Variants in RBFOX1 observed in about 807,000 individuals in gnomAD.
The protein encoded by RBFOX1 is RNA binding protein fox-1 homolog 1.
RBFOX1 carries 8 observed loss-of-function variants against 57.7 expected under a neutral mutation model. The ratio of observed to expected loss-of-function variants is 0.14; its 90% CI spans 0.08 to 0.25. The LOEUF is 0.25. RBFOX1 is among the 10% of genes least tolerant of loss of function. The pLI is 1.00. For synonymous variants in RBFOX1, 326 were observed against 222.4 expected (o/e 1.47, Z -4.15); for missense variants, 611 against 548.5 (o/e 1.11, Z -1.14).
At chr16:5,661,816 C>T (rs755531658) in intron 3 of RBFOX1, among the ~76,000 whole-genome samples, 2 of 152,044 alleles carry the variant, frequency 1.3e-5, no homozygotes, top group Non-Finnish European at 2.9e-5. Flanking sequence ...GATGGAGTCT[C>T]ACTCTGTTGC....
chr16:6,160,969 ATC>A (rs2096874081), intron 1 of RBFOX1, among the ~76,000 whole-genome samples: 1 of 152,178 alleles, frequency 6.6e-6, no homozygotes, highest in African/African-American at 2.4e-5. Context: ...TTTGTGTTCT[ATC>A]TCTCCTTCTT....
Position 6,019,317 on chromosome 16 carries a change from G to A in RBFOX1, c.-802G>A. The A allele has an allele frequency of 2.0e-6, 2 of 985,080 alleles. No individual in the cohort carries two copies. The highest frequency in any genetic ancestry group is 2.4e-6 in the Non-Finnish European group (2 of 830,158). 61.0% of individuals were successfully genotyped at this position (985,080 alleles called of 1,614,324 possible). A position where few individuals can be genotyped will look rare whatever the true frequency, so the allele number is the denominator to read the frequency against. On this transcript the variant is annotated 5_prime_UTR_variant, in exon 1 of 16. In the 5' UTR this introduces an upstream ATG that the reference lacks. Coordinates refer to ENST00000550418, the MANE Select transcript of RBFOX1 (RefSeq NM_018723.4). The surrounding 1 kb of genome is among the most constrained non-coding windows in gnomAD (Gnocchi z 4.2). ...GAAGGTCACCTCCTTTCCAGTCCCCGTGCGAGCCGCGCTGCCGCCGCCTCC... is the reference window on the plus strand; with the variant it reads ...GAAGGTCACCTCCTTTCCAGTCCCCATGCGAGCCGCGCTGCCGCCGCCTCC...
At chr16:5,719,638 T>C (rs2051853568) in intron 3 of RBFOX1, among the ~76,000 whole-genome samples, 1 of 152,180 alleles carries the variant, frequency 6.6e-6, no homozygotes. Context: ...ATTCTAGATA[T>C]TTCATATAGA....
intron 4 of RBFOX1, among the ~76,000 whole-genome samples, chr16:7,206,740 G>A (rs1244188724): frequency 6.6e-6 from 1 of 152,214 alleles, no homozygotes. Flanking sequence ...CATTTACTGT[G>A]AGATTTCTCA....
At position 6,264,796 on chromosome 16, in the gene RBFOX1, C is replaced by T. The variant is rs79555058; in HGVS notation, c.-126-52199C>T. Among the ~76,000 whole-genome samples the T allele has an allele frequency of 9.2e-3, 1,399 of 151,878 alleles. 22 individuals carry two copies. Among genetic ancestry groups the T allele is most frequent in the African/African-American group, 0.032 (1,321 of 41,532 alleles). ...CTTAGCATGCCACTGAAACTTCTAA[C>T]TATCTGATTAGTTTTTTTGTTTTAT... On this transcript the variant is annotated intron_variant, in intron 1 of 15. Transcript: ENST00000550418.
intron 4 of RBFOX1, among the ~76,000 whole-genome samples, chr16:7,384,616 C>A (rs143044271): frequency 5.3e-5 from 8 of 152,120 alleles, no homozygotes; most frequent in Non-Finnish European, 1.0e-4. Context: ...ATGGAGTGAA[C>A]AGCTTTGCAG....
chr16:6,589,217 C>A (rs1019831853), intron 2 of RBFOX1, among the ~76,000 whole-genome samples: 1 of 152,214 alleles, frequency 6.6e-6, no homozygotes, highest in Non-Finnish European at 1.5e-5. Flanking sequence ...AATAACAGAA[C>A]TCTAACCAGC....
chr16:6,880,524 T>C (rs940455084), intron 3 of RBFOX1, among the ~76,000 whole-genome samples: 11 of 152,184 alleles, frequency 7.2e-5, no homozygotes, highest in African/African-American at 2.2e-4. Context: ...TCCTGGAACC[T>C]TGCTAGTCAG....
At chr16:5,360,005 T>C (rs2065499371) in intron 1 of RBFOX1, among the ~76,000 whole-genome samples, 1 of 152,214 alleles carries the variant, frequency 6.6e-6, no homozygotes, top group Admixed American at 6.5e-5. Context: ...TAAATTTACA[T>C]TGAAGGTTAG....
chr16:5,448,003 T>A (rs947196234), intron 1 of RBFOX1, among the ~76,000 whole-genome samples: 11 of 152,186 alleles, frequency 7.2e-5, no homozygotes, highest in African/African-American at 2.7e-4. Flanking sequence ...TCACTTCCTG[T>A]TTAATTAATT....
chr16:5,475,136 G>C (rs2069276018), intron 2 of RBFOX1, among the ~76,000 whole-genome samples: 2 of 152,212 alleles, frequency 1.3e-5, no homozygotes, highest in South Asian at 4.1e-4. Flanking sequence ...TCTTTTAATA[G>C]AGGAATTTAG....
intron 1 of RBFOX1, among the ~76,000 whole-genome samples, chr16:6,072,205 A>C (rs929737249): frequency 2.6e-5 from 4 of 152,132 alleles, no homozygotes; most frequent in Admixed American, 2.0e-4. Flanking sequence ...ATTCACTATC[A>C]GAGAACAGCA....
chr16:6,843,823 C>A (rs560539594), intron 3 of RBFOX1, among the ~76,000 whole-genome samples: 1 of 152,268 alleles, frequency 6.6e-6, no homozygotes, highest in Admixed American at 6.5e-5. Context: ...CAAGATTTGA[C>A]CCTTAGGTTG....
At chr16:6,571,331 G>A (rs183376070) in intron 2 of RBFOX1, among the ~76,000 whole-genome samples, 12 of 152,156 alleles carry the variant, frequency 7.9e-5, no homozygotes, top group Admixed American at 2.0e-4. Context: ...AGGGGGTGAC[G>A]GTGGGCATCC....
At position 5,872,518 on chromosome 16, in the gene RBFOX1, C is replaced by A. The variant is rs140435550; in HGVS notation, c.351+5183C>A. On this transcript the variant is annotated intron_variant, in intron 4 of 19. Transcript: ENST00000641259. ...GGCCAAGGCAGGAAGATCACTTGAGCCCAGGAGTTCGAGACCAGCCTGGGC... is the reference window on the plus strand; with the variant it reads ...GGCCAAGGCAGGAAGATCACTTGAGACCAGGAGTTCGAGACCAGCCTGGGC... 4.3e-3 allele frequency among the ~76,000 whole-genome samples: 652 copies of A among 152,154 alleles called. 4 individuals carry two copies. Among genetic ancestry groups the A allele is most frequent in the African/African-American group, 0.015 (623 of 41,522 alleles).
intron 4 of RBFOX1, among the ~76,000 whole-genome samples, chr16:5,926,679 C>G (rs72770926): frequency 0.097 from 14,714 of 152,234 alleles, 854 homozygotes; most frequent in Non-Finnish European, 0.13. Flanking sequence ...GGATTCTTAG[C>G]TGAAGACTTG....
intron 1 of RBFOX1, among the ~76,000 whole-genome samples, chr16:6,191,121 C>T (rs574088801): frequency 3.3e-4 from 38 of 115,160 alleles, no homozygotes; most frequent in African/African-American, 1.1e-3. Context: ...TTGAATAATG[C>T]GTCTGTGGTT....
At position 7,246,918 on chromosome 16, in the gene RBFOX1, A is replaced by G. The variant is rs189230906; in HGVS notation, c.27+194820A>G. Among the ~76,000 whole-genome samples the G allele has an allele frequency of 2.4e-3, 362 of 152,054 alleles. 1 individual carries two copies. Among genetic ancestry groups the G allele is most frequent in the African/African-American group, 8.3e-3 (343 of 41,440 alleles). Reference sequence around the variant, plus strand: ...AGTTATACAACCTCCCTAAACCTCAATTTTCCCATTTTACGACAGGGATGA... The same window carrying G: ...AGTTATACAACCTCCCTAAACCTCAGTTTTCCCATTTTACGACAGGGATGA... On this transcript the variant is annotated intron_variant, in intron 4 of 15. Coordinates refer to ENST00000550418, the MANE Select transcript of RBFOX1 (RefSeq NM_018723.4).
chr16:7,112,555 A>G lies in RBFOX1; in HGVS notation c.27+60457A>G, dbSNP rs141810308. 5.3e-5 allele frequency among the ~76,000 whole-genome samples: 8 copies of G among 152,170 alleles called. 1 individual carries two copies. The East Asian group carries it at 1.5e-3, about 29-fold the overall frequency. ...ATTGTCCATCAAGTCAGAACCTTTA[A>G]TAGCTCCTATTCAGAACCTATAATA... On this transcript the variant is annotated intron_variant, in intron 4 of 15. Transcript: ENST00000550418.
Sources: allele counts gnomAD v4.1 joint callset (sites outside exome capture counted in the v4.1 genomes callset), GRCh38; gene constraint gnomAD v4.1.1; non-coding constraint Gnocchi (gnomAD v3.1); transcripts MANE v1.5; gene names NCBI Gene and HGNC (gene_info 2026-07-23, HGNC 2026-07-21).